SCUBE2: variants seen among roughly 807,000 people sequenced by gnomAD.
The protein encoded by SCUBE2 is signal peptide, CUB and EGF-like domain-containing protein 2.
In SCUBE2, 114 loss-of-function variants were observed where a neutral mutation model predicts 125.9. That is an observed-to-expected ratio of 0.91 (90% confidence interval 0.78 to 1.06). SCUBE2 has a LOEUF of 1.06. SCUBE2 is among the 50% of genes least tolerant of loss of function. The pLI is 0.00. For missense variants in SCUBE2, 1,255 were observed against 1,301.8 expected (o/e 0.96, Z 0.55); for synonymous variants, 459 against 492.9 (o/e 0.93, Z 0.91).
At chr11:9,070,011 C>G (rs544123365) in intron 4 of SCUBE2, among the ~76,000 whole-genome samples, 93 of 152,292 alleles carry the variant, frequency 6.1e-4, no homozygotes, top group African/African-American at 2.2e-3. Context: ...ATTTTGGCAT[C>G]CTCGTACGGG....
chr11:9,060,606 A>G, intron 7 of SCUBE2, 82 bp from the exon 8 acceptor site: 2 of 1,147,794 alleles, frequency 1.7e-6, no homozygotes, highest in East Asian at 2.4e-5. Flanking sequence ...GCCAAGAAGC[A>G]TGGTGGGGTA....
At chr11:9,079,554 G>T in intron 2 of SCUBE2, 45 bp from the exon 3 acceptor site, 1 of 1,599,438 alleles carries the variant, frequency 6.3e-7, no homozygotes, top group Non-Finnish European at 8.5e-7. Flanking sequence ...CTATTTCTTT[G>T]ATGTGAAAAC....
In SCUBE2 at chr11:9,021,215, T is replaced by TC; in HGVS notation, c.2935-19_2935-18insG. The TC allele has an allele frequency of 6.5e-7, 1 of 1,534,784 alleles. No homozygotes were observed. The highest frequency in any genetic ancestry group is 8.8e-7 in the Non-Finnish European group (1 of 1,139,662). ...TTCTTATCCTAAAAAGAACAGAATT[T>TC]TTGTTACTGGGCCAAAATATTTAAA... On this transcript the variant is annotated intron_variant, in intron 22 of 22. Coordinates refer to ENST00000649792, the MANE Select transcript of SCUBE2 (RefSeq NM_001367977.2).
Position 9,020,958 on chromosome 11 carries a change from C to T in SCUBE2, c.*87G>A. 1 of 1,227,374 alleles carries T rather than the reference C, an allele frequency of 8.1e-7. No homozygotes were observed. The highest frequency in any genetic ancestry group is 1.1e-6 in the Non-Finnish European group (1 of 899,458). 76.0% of individuals were successfully genotyped at this position (1,227,374 alleles called of 1,614,324 possible). ...TCACTGATACGGGAGGCAGCAATAC[C>T]CGACTGTGCTGACATGCAGAAGGAA... is the stretch of plus-strand genomic sequence containing the variant. On this transcript the variant is annotated 3_prime_UTR_variant, in exon 23 of 23. Transcript: ENST00000649792.
chr11:9,041,118 G>A (rs1590038573), intron 16 of SCUBE2, among the ~76,000 whole-genome samples: 1 of 152,206 alleles, frequency 6.6e-6, no homozygotes, highest in Non-Finnish European at 1.5e-5. Context: ...TCTACCTTAA[G>A]ATGCTAGCCA....
chr11:9,087,143 AAAT>A (rs2135998572), intron 2 of SCUBE2, among the ~76,000 whole-genome samples: 1 of 152,308 alleles, frequency 6.6e-6, no homozygotes, highest in East Asian at 1.9e-4. Flanking sequence ...ATTTTAAACT[AAAT>A]AATAGACTTT....
chr11:9,030,001 A>C lies in SCUBE2; in HGVS notation c.2386T>G (p.Cys796Gly), dbSNP rs1210153470. 3 of 1,614,210 alleles carry C rather than the reference A, an allele frequency of 1.9e-6. No homozygotes were observed. Among genetic ancestry groups the C allele is most frequent in the African/African-American group, 2.7e-5 (2 of 75,046 alleles). ...GHFYNTTTHR[C>G]IRCPVGTYQP... ...TATGTTCCCACTGGGCAACGAATAC[A>C]TCGGTGAGTGGTGGTGTTGTAGAAA... The change falls in exon 19 of 23, where the codon TGT becomes GGT. Residue 796 changes from cysteine to glycine, a missense_variant. Physicochemically the swap from Cys to Gly is radical, Grantham distance 159. Coordinates refer to ENST00000649792, the MANE Select transcript of SCUBE2 (RefSeq NM_001367977.2).
At chr11:9,034,800 G>C (rs1856616181) in intron 16 of SCUBE2, among the ~76,000 whole-genome samples, 1 of 150,072 alleles carries the variant, frequency 6.7e-6, no homozygotes, top group Admixed American at 6.7e-5. Flanking sequence ...GGCCAACATG[G>C]AGAAACCCCG....
In SCUBE2 at chr11:9,060,623, G is replaced by A. The variant is rs1859586422; in HGVS notation, c.851-99C>T. On this transcript the variant is annotated intron_variant, in intron 7 of 22. Transcript: ENST00000649792. ...CAAGAAGCATGGTGGGGTACTCATG[G>A]TCATACCCCAAGTCTCTGCTACCTG... 6.5e-6 allele frequency: 6 copies of A among 928,942 alleles called. No individual in the cohort carries two copies. The South Asian group carries it at 8.5e-5, about 13-fold the overall frequency. 57.5% of individuals were successfully genotyped at this position (928,942 alleles called of 1,614,324 possible).
At chr11:9,082,875 ATGTT>A (rs1174949403) in intron 2 of SCUBE2, among the ~76,000 whole-genome samples, 2 of 152,208 alleles carry the variant, frequency 1.3e-5, no homozygotes, top group African/African-American at 2.4e-5. Flanking sequence ...GATGAGGAAA[ATGTT>A]TGTATTGTGA....
intron 16 of SCUBE2, among the ~76,000 whole-genome samples, chr11:9,034,004 C>T (rs1856548892): frequency 6.6e-6 from 1 of 152,212 alleles, no homozygotes; most frequent in Non-Finnish European, 1.5e-5. Context: ...GTGTTTACAG[C>T]TCTGTCTCTC....
chr11:9,079,544 C>T lies in SCUBE2; in HGVS notation c.257-35G>A, dbSNP rs766504750. On this transcript the variant is annotated intron_variant, in intron 2 of 22. Transcript: ENST00000649792. ...AAAACAGAAGTAAACCAGACAGGTG[C>T]TATTTCTTTGATGTGAAAACATATG... The T allele has an allele frequency of 4.4e-5, 71 of 1,604,904 alleles. No homozygotes were observed. The East Asian group carries it at 1.0e-3, about 23-fold the overall frequency.
At chr11:9,087,320 G>C (rs966149822) in intron 2 of SCUBE2, among the ~76,000 whole-genome samples, 2 of 152,164 alleles carry the variant, frequency 1.3e-5, no homozygotes, top group Admixed American at 1.3e-4. Flanking sequence ...CCACCAGAGA[G>C]CACACAGCAA....
At chr11:9,027,087 G>T in intron 20 of SCUBE2, 1 of 458,938 alleles carries the variant, frequency 2.2e-6, no homozygotes, top group Non-Finnish European at 4.0e-6. Flanking sequence ...ATCCTCACTG[G>T]CTCTCTGGGT....
chr11:9,062,913 C>T (rs1018668992), intron 7 of SCUBE2, among the ~76,000 whole-genome samples: 5 of 151,506 alleles, frequency 3.3e-5, no homozygotes, highest in African/African-American at 4.9e-5. Flanking sequence ...ACAGGAGTTC[C>T]GGAGGGAAAG....
At chr11:9,029,773 A>G (rs1856128745) in intron 19 of SCUBE2, 111 bp downstream of exon 19, 1 of 1,180,748 alleles carries the variant, frequency 8.5e-7, no homozygotes. Flanking sequence ...CATAACATCT[A>G]CATGGTTCTG....
intron 2 of SCUBE2, among the ~76,000 whole-genome samples, chr11:9,087,474 C>T (rs1157570510): frequency 1.3e-5 from 2 of 152,080 alleles, no homozygotes; most frequent in Admixed American, 6.5e-5. Context: ...GATAAATGTT[C>T]TGGGGAGAGA....
rs1222660847 is a variant in SCUBE2 at position 9,025,950 on chromosome 11, T to C, written c.2702-96A>G. 3 of 1,295,034 alleles carry C rather than the reference T, an allele frequency of 2.3e-6. No individual in the cohort carries two copies. In the East Asian group the frequency reaches 7.1e-5, roughly 31 times the overall value. 80.2% of individuals were successfully genotyped at this position (1,295,034 alleles called of 1,614,324 possible). On this transcript the variant is annotated intron_variant, in intron 20 of 22. Coordinates refer to ENST00000649792, the MANE Select transcript of SCUBE2 (RefSeq NM_001367977.2). ...CTTTCTAAACACTCAAACCATACAA[T>C]AAGTTATGCTCAAAAGCTCTTCAGG...
At chr11:9,059,485 C>A in intron 8 of SCUBE2, 60 bp from the exon 9 acceptor site, 1 of 1,567,886 alleles carries the variant, frequency 6.4e-7, no homozygotes, top group Non-Finnish European at 8.7e-7. Context: ...TCCCACAACT[C>A]CCTGAAGGGC....
Sources: allele counts gnomAD v4.1 joint callset (sites outside exome capture counted in the v4.1 genomes callset), GRCh38; gene constraint gnomAD v4.1.1; transcripts MANE v1.5; gene names NCBI Gene and HGNC (gene_info 2026-07-23, HGNC 2026-07-21).